Variants in GRID2 observed in about 807,000 individuals in gnomAD.
The protein encoded by GRID2 is glutamate ionotropic receptor delta type subunit 2, also known as glutamate receptor ionotropic, delta-2.
In GRID2, 33 loss-of-function variants were observed where a neutral mutation model predicts 114.8. The observed-to-expected ratio is 0.29, with a 90% CI of 0.22 to 0.38. The LOEUF (loss-of-function observed/expected upper bound fraction) is 0.38. Among genes scored for constraint, GRID2 ranks in the 10% least tolerant of loss-of-function variants. GRID2 has a pLI of 1.00. For missense variants in GRID2, 1,184 were observed against 1,257.7 expected, an observed-to-expected ratio of 0.94 and a Z score of 0.89; for synonymous variants, 505 against 449.9, an observed-to-expected ratio of 1.12 and a Z score of -1.55.
chr4:93,743,914 A>G (rs1206366456), intron 14 of GRID2, among the ~76,000 whole-genome samples: 1 of 152,200 alleles, frequency 6.6e-6, no homozygotes, highest in Non-Finnish European at 1.5e-5. Flanking sequence ...TTCAAAGGAC[A>G]GCCTATCTTG....
At chr4:92,911,485 C>T (rs921402022) in intron 2 of GRID2, among the ~76,000 whole-genome samples, 1 of 151,864 alleles carries the variant, frequency 6.6e-6, no homozygotes, top group African/African-American at 2.4e-5. Flanking sequence ...ATAACAGTTG[C>T]TGAAGTAGTA....
intron 14 of GRID2, among the ~76,000 whole-genome samples, chr4:93,629,716 A>G (rs1432919994): frequency 6.6e-6 from 1 of 152,178 alleles, no homozygotes; most frequent in African/African-American, 2.4e-5. Context: ...TTTTCAGGTG[A>G]CTATATTTCT....
At chr4:92,451,528 C>T (rs1441345640) in intron 1 of GRID2, among the ~76,000 whole-genome samples, 2 of 152,080 alleles carry the variant, frequency 1.3e-5, no homozygotes, top group African/African-American at 2.4e-5. Context: ...AATCACTTCC[C>T]ACATTTTAAT....
At chr4:93,484,397 G>A (rs1726176508) in intron 11 of GRID2, among the ~76,000 whole-genome samples, 1 of 151,802 alleles carries the variant, frequency 6.6e-6, no homozygotes, top group African/African-American at 2.4e-5. Flanking sequence ...CATTAATGGT[G>A]TTGTTTATAA....
At chr4:93,349,367 T>C (rs1220390016) in intron 8 of GRID2, among the ~76,000 whole-genome samples, 1 of 152,240 alleles carries the variant, frequency 6.6e-6, no homozygotes, top group Non-Finnish European at 1.5e-5. Context: ...GCATACTTTT[T>C]TTTCTTTTAC....
chr4:93,032,977 A>T (rs1301905401), intron 2 of GRID2, among the ~76,000 whole-genome samples: 1 of 152,218 alleles, frequency 6.6e-6, no homozygotes. Context: ...TGTTGCTGTT[A>T]ATTGACATCA....
chr4:93,099,979 C>G (rs369995130), intron 3 of GRID2, among the ~76,000 whole-genome samples: 1 of 151,896 alleles, frequency 6.6e-6, no homozygotes, highest in African/African-American at 2.4e-5. Flanking sequence ...CTGACTTTCT[C>G]TCTAGACAGT....
At chr4:92,622,079 C>T (rs910251598) in intron 2 of GRID2, among the ~76,000 whole-genome samples, 3 of 151,480 alleles carry the variant, frequency 2.0e-5, no homozygotes, top group African/African-American at 7.3e-5. Flanking sequence ...ATAATTGAGG[C>T]AATGTGGAAG....
chr4:92,620,084 T>C lies in GRID2; in HGVS notation c.244+29798T>C, dbSNP rs981759591. On this transcript the variant is annotated intron_variant, in intron 2 of 15. Transcript: ENST00000282020. ...GGGTAGATAACAGCCAATAGTGTGG[T>C]TAGTCTGGAATACTATCTATTTTGA... is the stretch of plus-strand genomic sequence containing the variant. Among the ~76,000 whole-genome samples the C allele has an allele frequency of 5.3e-5, 8 of 151,760 alleles. No individual in the cohort carries two copies. In the Admixed American group the frequency reaches 5.3e-4, roughly 10 times the overall value.
intron 2 of GRID2, among the ~76,000 whole-genome samples, chr4:92,907,611 T>A (rs1322582088): frequency 6.6e-6 from 1 of 151,984 alleles, no homozygotes; most frequent in Admixed American, 6.6e-5. Context: ...GGTTTCTCCA[T>A]GCTTGTCAGG....
intron 13 of GRID2, among the ~76,000 whole-genome samples, chr4:93,603,933 C>T (rs1739947680): frequency 6.6e-6 from 1 of 152,092 alleles, no homozygotes; most frequent in Admixed American, 6.5e-5. Context: ...TGACAATGCA[C>T]CTGGTCACTC....
chr4:93,588,873 A>G (rs146738530), intron 13 of GRID2, among the ~76,000 whole-genome samples: 1 of 152,238 alleles, frequency 6.6e-6, no homozygotes, highest in East Asian at 1.9e-4. Flanking sequence ...CTTTCCAGCT[A>G]TACAACAAGC....
intron 2 of GRID2, among the ~76,000 whole-genome samples, chr4:92,711,321 A>T (rs1412938546): frequency 6.6e-6 from 1 of 152,156 alleles, no homozygotes; most frequent in African/African-American, 2.4e-5. Context: ...CCAGAGTTTC[A>T]TAGGCTGAAA....
intron 2 of GRID2, among the ~76,000 whole-genome samples, chr4:93,045,811 G>T (rs1239325841): frequency 6.6e-6 from 1 of 152,058 alleles, no homozygotes; most frequent in Admixed American, 6.6e-5. Flanking sequence ...CCCACTGTGT[G>T]TGTGTTTATA....
At chr4:93,176,611 T>C (rs182775730) in intron 4 of GRID2, among the ~76,000 whole-genome samples, 13 of 152,316 alleles carry the variant, frequency 8.5e-5, no homozygotes, top group South Asian at 2.1e-4. Context: ...GTAGTGTATC[T>C]AACAAAATCA....
intron 1 of GRID2, among the ~76,000 whole-genome samples, chr4:92,430,816 C>A (rs1732404139): frequency 6.6e-6 from 1 of 152,054 alleles, no homozygotes; most frequent in Admixed American, 6.6e-5. Flanking sequence ...ACAGATCTTT[C>A]ACTTCTTTGG....
chr4:93,163,051 C>A (rs966771237), intron 4 of GRID2, among the ~76,000 whole-genome samples: 1 of 151,776 alleles, frequency 6.6e-6, no homozygotes, highest in African/African-American at 2.4e-5. Flanking sequence ...TTGGAAGTAT[C>A]CTCTTTTTTA....
chr4:93,232,165 A>G (rs1040033308), intron 7 of GRID2, among the ~76,000 whole-genome samples: 1 of 152,176 alleles, frequency 6.6e-6, no homozygotes. Context: ...ACACTAAATA[A>G]TTTTTGGATA....
intron 1 of GRID2, among the ~76,000 whole-genome samples, chr4:92,530,346 T>G (rs1560691830): frequency 6.6e-6 from 1 of 152,042 alleles, no homozygotes; most frequent in South Asian, 2.1e-4. Flanking sequence ...TGCCTTGTTG[T>G]GTGATGCAAT....
Sources: allele counts gnomAD v4.1 joint callset (sites outside exome capture counted in the v4.1 genomes callset), GRCh38; gene constraint gnomAD v4.1.1; transcripts MANE v1.5; gene names NCBI Gene and HGNC (gene_info 2026-07-23, HGNC 2026-07-21).